Variants in SLC51B observed in about 807,000 individuals in gnomAD.
SLC51B encodes the protein organic solute transporter subunit beta.
In SLC51B, 6 loss-of-function variants were observed where a neutral mutation model predicts 8.0. That is an observed-to-expected ratio of 0.75 (90% CI 0.41 to 1.48). The LOEUF (loss-of-function observed/expected upper bound fraction) is 1.48, where lower values mean the gene tolerates loss of function less well. SLC51B is among the 40% of genes most tolerant of loss of function. SLC51B has a pLI of 0.01. For missense variants in SLC51B, 150 were observed against 149.7 expected, an observed-to-expected ratio of 1.00 and a Z score of -0.01; for synonymous variants, 61 against 54.8, an observed-to-expected ratio of 1.11 and a Z score of -0.50.
chr15:65,052,477 T>C (rs1362390071), intron 3 of SLC51B, among the ~76,000 whole-genome samples: 1 of 144,236 alleles, frequency 6.9e-6, no homozygotes, highest in African/African-American at 2.6e-5. Flanking sequence ...CTCGGCTCAC[T>C]GCAACCTCTG....
intron 2 of SLC51B, 91 bp from the exon 3 acceptor site, chr15:65,051,424 A>C (rs1156740966): frequency 8.2e-7 from 1 of 1,219,476 alleles, no homozygotes; most frequent in Non-Finnish European, 1.2e-6. Flanking sequence ...TTGATGCTGT[A>C]AGCTGGGTCT....
chr15:65,050,833 CTTCTTT>C (rs1392170904), intron 2 of SLC51B, among the ~76,000 whole-genome samples: 3 of 88,600 alleles, frequency 3.4e-5, no homozygotes, highest in African/African-American at 4.5e-5. Flanking sequence ...TCTTCTTCTT[CTTCTTT>C]TTTTTTTTTT....
intron 1 of SLC51B, chr15:65,049,076 C>T (rs1442645407): frequency 6.7e-6 from 1 of 149,982 alleles, no homozygotes; most frequent in African/African-American, 2.5e-5. Context: ...TATATGTTGT[C>T]AAAATTAATT....
At position 65,053,186 on chromosome 15, in the gene SLC51B, T is replaced by A; in HGVS notation, c.*22T>A. 4 of 1,612,388 alleles carry A rather than the reference T, an allele frequency of 2.5e-6. No individual in the cohort carries two copies. Among genetic ancestry groups the A allele is most frequent in the Non-Finnish European group, 3.4e-6 (4 of 1,179,780 alleles). On this transcript the variant is annotated 3_prime_UTR_variant, in exon 4 of 4. Transcript: ENST00000334287. Reference sequence around the variant, plus strand: ...CTAGTGAGGGTTCAGAGAAGCCCCATCCTAAGCCAGACACATGATGTGGGC... The same window carrying A: ...CTAGTGAGGGTTCAGAGAAGCCCCAACCTAAGCCAGACACATGATGTGGGC...
chr15:65,047,795 TGATA>T (rs72192523), intron 1 of SLC51B, among the ~76,000 whole-genome samples: 37,557 of 149,774 alleles, frequency 0.25, 5,037 homozygotes, highest in South Asian at 0.34. Flanking sequence ...GATCGATAGA[TGATA>T]GATAGATAGA....
At chr15:65,052,805 A>G (rs948429087) in intron 3 of SLC51B, among the ~76,000 whole-genome samples, 161 bp from the exon 4 acceptor site, 4 of 152,150 alleles carry the variant, frequency 2.6e-5, no homozygotes, top group Non-Finnish European at 5.9e-5. Context: ...AGGGTAAGCC[A>G]TTTCTCTGTT....
chr15:65,046,729 A>G (rs1438233556), intron 1 of SLC51B, among the ~76,000 whole-genome samples: 1 of 152,106 alleles, frequency 6.6e-6, no homozygotes, highest in East Asian at 1.9e-4. Flanking sequence ...CCTGGGCAAG[A>G]TGATGAAACC....
Position 65,050,092 on chromosome 15 carries a change from G to A in SLC51B, c.88G>A (p.Val30Met). 6.4e-7 allele frequency: 1 copy of A among 1,551,568 alleles called. No individual in the cohort carries two copies. Among genetic ancestry groups the A allele is most frequent in the South Asian group, 1.2e-5 (1 of 84,036 alleles). ...LLEEMLWFFR[V>M]EDASPWNHSI... ...GGAAGAGATGCTTTGGTTTTTTCGT[G>A]TGGAAGATGGTAAGTGGTGAGAGAT... Residue 30 changes from valine to methionine, a missense_variant, in exon 2 of 4, where the codon GTG (valine) becomes ATG (methionine). Val to Met is a conservative substitution (Grantham distance 21). Transcript: ENST00000334287.
At position 65,051,595 on chromosome 15, in the gene SLC51B, C is replaced by T. The variant is rs372394370; in HGVS notation, c.178C>T (p.Gln60Ter). ...ISMVLLGRSI[Q>*]ASRKEKMQPP... is the part of the protein sequence containing the mutation. ...CATGGTCCTCCTGGGAAGAAGCATC[C>T]AGGCAAGCAGGTGAGGAGCTGGTCC... Residue 60 changes from glutamine to a stop codon, truncating the protein, a stop_gained, in exon 3 of 4, where the codon CAG becomes TAG. Coordinates refer to ENST00000334287, the MANE Select transcript of SLC51B (RefSeq NM_178859.4). LOFTEE classifies it low-confidence loss of function (END_TRUNC). 3.7e-6 allele frequency: 6 copies of T among 1,613,240 alleles called. No homozygotes were observed. The highest frequency in any genetic ancestry group is 4.2e-6 in the Non-Finnish European group (5 of 1,179,526).
intron 2 of SLC51B, among the ~76,000 whole-genome samples, chr15:65,051,124 G>A (rs1470066994): frequency 3.9e-5 from 6 of 152,080 alleles, no homozygotes; most frequent in Non-Finnish European, 8.8e-5. Flanking sequence ...GATTATAGGC[G>A]TGAGCCACTG....
chr15:65,053,049 A>G lies in SLC51B; in HGVS notation c.272A>G (p.Asn91Ser), dbSNP rs147682812. The G allele has an allele frequency of 6.2e-7, 1 of 1,614,076 alleles. No homozygotes were observed. The highest frequency in any genetic ancestry group is 8.5e-7 in the Non-Finnish European group (1 of 1,180,000). ...DEAKDHNSLN[N>S]LRETLLSEKP... ...GCCAAGGATCACAACAGCCTAAACA[A>G]CCTAAGAGAAACTTTGCTCTCAGAA... Residue 91 changes from asparagine to serine, a missense_variant, in exon 4 of 4, where the codon AAC becomes AGC. Physicochemically the swap from Asn to Ser is conservative, Grantham distance 46 (BLOSUM62 1). Coordinates refer to ENST00000334287, the MANE Select transcript of SLC51B (RefSeq NM_178859.4).
chr15:65,046,553 T>C (rs1566949547), intron 1 of SLC51B, among the ~76,000 whole-genome samples: 2 of 152,206 alleles, frequency 1.3e-5, no homozygotes, highest in South Asian at 2.1e-4. Context: ...TGGATTTGTA[T>C]CCAATTTGTC....
chr15:65,046,919 C>CAAA (rs1399564126), intron 1 of SLC51B, among the ~76,000 whole-genome samples: 1 of 150,178 alleles, frequency 6.7e-6, no homozygotes, highest in Admixed American at 6.6e-5. Flanking sequence ...TCTCAAAAAA[C>CAAA]AAAAAACAAA....
intron 1 of SLC51B, among the ~76,000 whole-genome samples, chr15:65,047,498 C>A (rs949312294): frequency 2.0e-5 from 3 of 152,200 alleles, no homozygotes; most frequent in South Asian, 2.1e-4. Flanking sequence ...GTGTCTAAAT[C>A]TCATCCCACA....
At chr15:65,050,766 G>C (rs781511862) in intron 2 of SLC51B, among the ~76,000 whole-genome samples, 2 of 151,026 alleles carry the variant, frequency 1.3e-5, no homozygotes, top group African/African-American at 2.4e-5. Flanking sequence ...TTATCTGTGG[G>C]CAGTTGCCAT....
intron 2 of SLC51B, among the ~76,000 whole-genome samples, chr15:65,051,202 G>A (rs2086649108): frequency 6.6e-6 from 1 of 152,150 alleles, no homozygotes; most frequent in African/African-American, 2.4e-5. Flanking sequence ...TGAAGATTGT[G>A]AAGTTTATCT....
Position 65,051,576 on chromosome 15 carries a change from C to A in SLC51B, c.159C>A (p.Val53=). The change falls in exon 3 of 4, where the codon GTC becomes GTA. Residue 53 remains valine (V), a synonymous_variant. Transcript: ENST00000334287. ...LAAVVVIISM[V]LLGRSIQASR... ...CTGTGGTGGTCATTATAAGCATGGT[C>A]CTCCTGGGAAGAAGCATCCAGGCAA... is the stretch of plus-strand genomic sequence containing the variant. The A allele has an allele frequency of 6.2e-7, 1 of 1,613,620 alleles. No individual in the cohort carries two copies. Among genetic ancestry groups the A allele is most frequent in the South Asian group, 1.1e-5 (1 of 91,034 alleles).
chr15:65,048,603 GT>G (rs2086606375), intron 1 of SLC51B, among the ~76,000 whole-genome samples: 1 of 152,168 alleles, frequency 6.6e-6, no homozygotes, highest in African/African-American at 2.4e-5. Context: ...TAATTGATCT[GT>G]TCAAAACACT....
chr15:65,050,052 A>T lies in SLC51B; in HGVS notation c.48A>T (p.Val16=). Residue 16 remains valine, a synonymous_variant, in exon 2 of 4, where the codon GTA becomes GTT. Coordinates refer to ENST00000334287, the MANE Select transcript of SLC51B (RefSeq NM_178859.4). ...CCGGAGACCCAGCCGGTACTGTGGT[A>T]CCCCAGGAGCTGCTGGAAGAGATGC... ...GAPGDPAGTV[V]PQELLEEMLW... is the part of the protein sequence containing the mutation. 6.4e-7 allele frequency: 1 copy of T among 1,551,800 alleles called. No homozygotes were observed. Among genetic ancestry groups the T allele is most frequent in the African/African-American group, 1.4e-5 (1 of 73,186 alleles).
Sources: allele counts gnomAD v4.1 joint callset (sites outside exome capture counted in the v4.1 genomes callset), GRCh38; gene constraint gnomAD v4.1.1; transcripts MANE v1.5; gene names NCBI Gene and HGNC (gene_info 2026-07-23, HGNC 2026-07-21).